The following TRIM16 variants were observed in gnomAD, a reference collection of about 807,000 sequenced individuals.
TRIM16 encodes the protein tripartite motif containing 16.
In TRIM16, 33 loss-of-function variants were observed where a neutral mutation model predicts 50.4. The ratio of observed to expected loss-of-function variants is 0.65; its 90% CI spans 0.50 to 0.88. The LOEUF is 0.88. Among genes scored for constraint, TRIM16 ranks in the 40% least tolerant of loss-of-function variants. TRIM16 has a pLI of 0.00. For synonymous variants in TRIM16, 229 were observed against 270.7 expected (o/e 0.85, Z 1.51); for missense variants, 581 against 686.8 (o/e 0.85, Z 1.72).
chr17:15,676,571 G>A (rs900117334), intron 6 of TRIM16, among the ~76,000 whole-genome samples: 4 of 151,508 alleles, frequency 2.6e-5, no homozygotes, highest in Admixed American at 6.6e-5. Flanking sequence ...AAGTAGCTGG[G>A]ACTACAGGTG....
chr17:15,644,757 G>C (rs1987279530), intron 7 of TRIM16, among the ~76,000 whole-genome samples: 1 of 152,074 alleles, frequency 6.6e-6, no homozygotes, highest in African/African-American at 2.4e-5. Context: ...TCTAAGAGCT[G>C]TCGGGTGCCA....
intron 4 of TRIM16, among the ~76,000 whole-genome samples, chr17:15,678,876 T>TG (rs1471674929): frequency 6.1e-4 from 21 of 34,376 alleles, no homozygotes; most frequent in African/African-American, 1.8e-3. Context: ...ATGCAGACTC[T>TG]CCTTTTTTTT....
intron 9 of TRIM16, among the ~76,000 whole-genome samples, 161 bp downstream of exon 9, chr17:15,635,875 T>TA (rs1396680470): frequency 7.1e-6 from 1 of 140,358 alleles, no homozygotes; most frequent in Non-Finnish European, 1.5e-5. Flanking sequence ...ACCCCTCCTA[T>TA]ACTCTGCTGA....
chr17:15,651,075 GT>G lies in TRIM16; in HGVS notation c.519+15del, dbSNP rs1216887604. ...CCGCCCTCTCCCAAATGGATGAATG[GT>G]CCCCAAGCACTCACCTCCTTGTCCC... On this transcript the variant is annotated intron_variant, in intron 7 of 11. Coordinates refer to ENST00000649191, the MANE Select transcript of TRIM16 (RefSeq NM_001348119.1). 1 of 1,590,490 alleles carries G rather than the reference GT, an allele frequency of 6.3e-7. No individual in the cohort carries two copies. Among genetic ancestry groups the G allele is most frequent in the Non-Finnish European group, 8.6e-7 (1 of 1,167,262 alleles).
chr17:15,648,526 T>C (rs1597627762), intron 7 of TRIM16, among the ~76,000 whole-genome samples: 3 of 152,326 alleles, frequency 2.0e-5, no homozygotes, highest in Admixed American at 2.0e-4. Flanking sequence ...TCTTCATGGC[T>C]GACCCTGCTG....
chr17:15,644,918 C>T (rs1649348617), intron 7 of TRIM16, among the ~76,000 whole-genome samples: 1 of 151,948 alleles, frequency 6.6e-6, no homozygotes, highest in Non-Finnish European at 1.5e-5. Context: ...CGGGTTCATG[C>T]GATTCTCCTG....
chr17:15,683,203 ATTTCT>A, intron 1 of TRIM16, 46 bp from the exon 2 acceptor site: 5 of 1,401,738 alleles, frequency 3.6e-6, no homozygotes, highest in Non-Finnish European at 3.9e-6. Context: ...TTTTCATTGT[ATTTCT>A]TTTTTCATTC....
At chr17:15,682,202 C>T (rs1989209986) in intron 3 of TRIM16, among the ~76,000 whole-genome samples, 1 of 152,236 alleles carries the variant, frequency 6.6e-6, no homozygotes, top group African/African-American at 2.4e-5. Flanking sequence ...TGCATATCAA[C>T]ATTAACCAAG....
rs529477449 is a variant in TRIM16, at chr17:15,634,631, C to CAAA, written c.849+1402_849+1404dup. On this transcript the variant is annotated intron_variant, in intron 9 of 11. Coordinates refer to ENST00000649191, the MANE Select transcript of TRIM16 (RefSeq NM_001348119.1). ...GGGCAACAAGAGTGAAACTCAGTCT[C>CAAA]AAAAAAAAAAAAAAACAAATAAAAA... is the stretch of plus-strand genomic sequence containing the variant. Among the ~76,000 whole-genome samples, 422 of 82,664 alleles carry CAAA rather than the reference C, an allele frequency of 5.1e-3. 10 individuals carry two copies. The highest frequency in any genetic ancestry group is 0.017 in the African/African-American group (347 of 20,754). The allele number at this position is 82,664 out of a possible 152,430, so 54.2% of individuals were successfully genotyped here.
chr17:15,630,773 T>C (rs1466854244), intron 11 of TRIM16, among the ~76,000 whole-genome samples: 3 of 150,718 alleles, frequency 2.0e-5, no homozygotes, highest in Admixed American at 2.0e-4. Context: ...TGAGCCATGA[T>C]CAAGCCACTG....
chr17:15,652,190 C>T (rs571184718), intron 6 of TRIM16: 31 of 157,850 alleles, frequency 2.0e-4, no homozygotes, highest in South Asian at 9.8e-4. Context: ...CTCTGTCACC[C>T]AGGCTGGAGT....
intron 8 of TRIM16, among the ~76,000 whole-genome samples, chr17:15,636,630 CTTT>C (rs869137177): frequency 5.8e-5 from 7 of 121,194 alleles, no homozygotes; most frequent in African/African-American, 2.1e-4. Context: ...AAGAATTTGG[CTTT>C]TTTTTTTTTT....
At chr17:15,639,913 C>A (rs1453194314) in intron 8 of TRIM16, among the ~76,000 whole-genome samples, 1 of 149,180 alleles carries the variant, frequency 6.7e-6, no homozygotes, top group South Asian at 2.2e-4. Context: ...GAATGAGGAC[C>A]CTCTGCTGCT....
chr17:15,636,684 T>C (rs1986764821), intron 8 of TRIM16, among the ~76,000 whole-genome samples: 1 of 146,690 alleles, frequency 6.8e-6, no homozygotes, highest in Non-Finnish European at 1.5e-5. Context: ...TAGCATTTCA[T>C]TATGCCCGGT....
chr17:15,679,936 CAAA>C (rs56845789), intron 4 of TRIM16, among the ~76,000 whole-genome samples: 2 of 128,630 alleles, frequency 1.6e-5, no homozygotes, highest in Non-Finnish European at 1.6e-5. Flanking sequence ...GACTATGTCT[CAAA>C]AAAAAAAAAA....
At chr17:15,663,255 C>G (rs1403270233) in intron 6 of TRIM16, among the ~76,000 whole-genome samples, 1 of 152,170 alleles carries the variant, frequency 6.6e-6, no homozygotes, top group Non-Finnish European at 1.5e-5. Flanking sequence ...TTGCACGTGC[C>G]ACTCTCCTCT....
intron 6 of TRIM16, among the ~76,000 whole-genome samples, chr17:15,653,752 C>T (rs899055721): frequency 2.0e-5 from 3 of 152,120 alleles, no homozygotes; most frequent in African/African-American, 4.8e-5. Flanking sequence ...CAATTCAGCC[C>T]GTAACACACG....
intron 6 of TRIM16, among the ~76,000 whole-genome samples, chr17:15,663,128 C>A (rs1988317619): frequency 6.6e-6 from 1 of 152,176 alleles, no homozygotes; most frequent in African/African-American, 2.4e-5. Context: ...ACTGGCATTT[C>A]TTCTTTCTCC....
At position 15,629,029 on chromosome 17, in the gene TRIM16, G is replaced by T; in HGVS notation, c.1281C>A (p.His427Gln). ...QVLSQQSLYL[H>Q]RYYFEVEIFG... ...AGATCTCCACCTCAAAATAGTACCT[G>T]TGCAGGTACAGACTCTGCTGGGACA... The change falls in exon 12 of 12, where the codon CAC becomes CAA. Residue 427 changes from histidine (H) to glutamine (Q), a missense_variant. Around this residue, in one of 3 missense-constraint regions of TRIM16, gnomAD observed 450 missense variants for 544.3 expected, o/e 0.83. Transcript: ENST00000649191. 6.2e-7 allele frequency: 1 copy of T among 1,614,112 alleles called. No homozygotes were observed. Among genetic ancestry groups the T allele is most frequent in the South Asian group, 1.1e-5 (1 of 91,084 alleles).
Sources: allele counts gnomAD v4.1 joint callset (sites outside exome capture counted in the v4.1 genomes callset), GRCh38; gene constraint gnomAD v4.1.1; regional missense constraint gnomAD v4.1.1; transcripts MANE v1.5; gene names NCBI Gene and HGNC (gene_info 2026-07-23, HGNC 2026-07-21).